The following SLC39A11 variants were observed in gnomAD, a reference collection of about 807,000 sequenced individuals.
SLC39A11 encodes zinc transporter ZIP11.
In SLC39A11, 33 loss-of-function variants were observed where a neutral mutation model predicts 36.1. The observed-to-expected ratio is 0.91, with a 90% CI of 0.69 to 1.22. The LOEUF (loss-of-function observed/expected upper bound fraction) is 1.22, where lower values mean the gene tolerates loss of function less well. Ranked by LOEUF, SLC39A11 falls within the 50% of genes most tolerant of loss-of-function variation. The pLI, the probability that SLC39A11 is intolerant of heterozygous loss-of-function variation, is 0.00. For missense variants in SLC39A11, 432 were observed against 430.3 expected, an observed-to-expected ratio of 1.00 and a Z score of -0.03; for synonymous variants, 166 against 170.3, an observed-to-expected ratio of 0.97 and a Z score of 0.20.
intron 4 of SLC39A11, among the ~76,000 whole-genome samples, chr17:73,023,046 T>C (rs2058406863): frequency 6.6e-6 from 1 of 152,198 alleles, no homozygotes; most frequent in African/African-American, 2.4e-5. Flanking sequence ...GTTTCCTCCC[T>C]TAGAAACTGA....
chr17:72,916,662 C>T (rs1260831417), intron 5 of SLC39A11, among the ~76,000 whole-genome samples: 5 of 152,196 alleles, frequency 3.3e-5, no homozygotes, highest in Non-Finnish European at 7.3e-5. Context: ...GTCAAAACTG[C>T]ACCAGTGGCC....
intron 7 of SLC39A11, among the ~76,000 whole-genome samples, chr17:72,697,148 T>G (rs2072341891): frequency 6.6e-6 from 1 of 152,228 alleles, no homozygotes; most frequent in African/African-American, 2.4e-5. Flanking sequence ...AGTGGTCTGA[T>G]CACAGCTCGC....
intron 4 of SLC39A11, among the ~76,000 whole-genome samples, chr17:72,988,777 C>T (rs912056178): frequency 6.6e-6 from 1 of 152,092 alleles, no homozygotes; most frequent in African/African-American, 2.4e-5. Flanking sequence ...GGCATGATCT[C>T]GGATCACTGC....
chr17:72,898,720 A>G (rs2082157487), intron 5 of SLC39A11, among the ~76,000 whole-genome samples: 1 of 152,240 alleles, frequency 6.6e-6, no homozygotes, highest in African/African-American at 2.4e-5. Flanking sequence ...GTAGACACTC[A>G]TATAGATATT....
intron 4 of SLC39A11, among the ~76,000 whole-genome samples, chr17:73,017,657 G>C (rs763835332): frequency 4.6e-5 from 7 of 152,092 alleles, no homozygotes; most frequent in Non-Finnish European, 1.0e-4. Context: ...AGGTTGCGGT[G>C]AGCTAAGATC....
intron 3 of SLC39A11, among the ~76,000 whole-genome samples, chr17:73,052,288 T>C: frequency 6.7e-6 from 1 of 149,550 alleles, no homozygotes. Flanking sequence ...ATGCATGAAA[T>C]AAACCCATAA....
chr17:72,977,196 A>T (rs1486616658), intron 4 of SLC39A11, among the ~76,000 whole-genome samples: 2 of 152,208 alleles, frequency 1.3e-5, no homozygotes, highest in African/African-American at 4.8e-5. Context: ...AGAAGCAGGG[A>T]GCCACATGGG....
chr17:72,882,808 T>TTC (rs984050696), intron 5 of SLC39A11, among the ~76,000 whole-genome samples: 6 of 148,492 alleles, frequency 4.0e-5, no homozygotes, highest in South Asian at 2.1e-4. Flanking sequence ...TTTTTTTTTT[T>TTC]TTTTTTGAGA....
intron 7 of SLC39A11, among the ~76,000 whole-genome samples, chr17:72,680,331 T>A (rs946869382): frequency 6.6e-6 from 1 of 152,196 alleles, no homozygotes; most frequent in Non-Finnish European, 1.5e-5. Context: ...ATGAATATGA[T>A]ACGGTTTGGC....
chr17:72,672,679 T>G (rs559997826), intron 7 of SLC39A11, among the ~76,000 whole-genome samples: 1 of 152,278 alleles, frequency 6.6e-6, no homozygotes, highest in Admixed American at 6.5e-5. Context: ...GGCTCACTGC[T>G]GCCTCAAACT....
At chr17:72,924,822 T>C (rs536768791) in intron 5 of SLC39A11, among the ~76,000 whole-genome samples, 73 of 151,976 alleles carry the variant, frequency 4.8e-4, no homozygotes, top group Admixed American at 7.9e-4. Flanking sequence ...GCCAACATAG[T>C]GAAACCCCGT....
At chr17:72,852,594 T>C (rs988758471) in intron 5 of SLC39A11, among the ~76,000 whole-genome samples, 1 of 152,170 alleles carries the variant, frequency 6.6e-6, no homozygotes, top group African/African-American at 2.4e-5. Context: ...CATGTGTGCA[T>C]GTGTATGTGC....
chr17:72,792,868 A>T (rs553786005), intron 6 of SLC39A11, among the ~76,000 whole-genome samples: 1 of 152,344 alleles, frequency 6.6e-6, no homozygotes, highest in East Asian at 1.9e-4. Context: ...CGCAGCATGC[A>T]CAAACACATT....
intron 6 of SLC39A11, among the ~76,000 whole-genome samples, chr17:72,783,199 A>AG (rs371044925): frequency 6.7e-6 from 1 of 148,152 alleles, no homozygotes; most frequent in African/African-American, 2.7e-5. Flanking sequence ...CTCACCAGAC[A>AG]CTGAATCTGA....
At chr17:72,702,009 G>A (rs2072662182) in intron 7 of SLC39A11, among the ~76,000 whole-genome samples, 2 of 152,250 alleles carry the variant, frequency 1.3e-5, no homozygotes, top group Admixed American at 1.3e-4. Flanking sequence ...AGGAGGCTGA[G>A]GTGGGAAGAT....
chr17:72,673,366 G>A (rs1163393939), intron 7 of SLC39A11, among the ~76,000 whole-genome samples: 1 of 152,160 alleles, frequency 6.6e-6, no homozygotes, highest in African/African-American at 2.4e-5. Context: ...GCCTCCCAAA[G>A]TGCTGGGATT....
chr17:72,651,425 A>C (rs560328489), intron 7 of SLC39A11, among the ~76,000 whole-genome samples: 1 of 152,198 alleles, frequency 6.6e-6, no homozygotes, highest in Non-Finnish European at 1.5e-5. Context: ...AGGAGCCTGC[A>C]GCCCAGGGTG....
At chr17:72,997,497 C>G (rs1376904624) in intron 4 of SLC39A11, among the ~76,000 whole-genome samples, 1 of 152,218 alleles carries the variant, frequency 6.6e-6, no homozygotes, top group African/African-American at 2.4e-5. Context: ...AAGTGATCCT[C>G]CTGCCTCGGC....
chr17:72,983,232 C>T (rs2088467570), intron 4 of SLC39A11, among the ~76,000 whole-genome samples: 1 of 152,114 alleles, frequency 6.6e-6, no homozygotes, highest in African/African-American at 2.4e-5. Flanking sequence ...TCACTGCAGC[C>T]TCCACCTCCC....
Sources: gnomAD v4.1 joint callset for allele counts (sites outside exome capture counted in the v4.1 genomes callset) on GRCh38, gnomAD v4.1.1 for gene constraint, MANE v1.5 for transcripts, NCBI Gene and HGNC (gene_info 2026-07-23, HGNC 2026-07-21) for gene names.